Variants in SPOCK1 observed in about 807,000 individuals in gnomAD.
SPOCK1 encodes the protein SPARC (osteonectin), cwcv and kazal like domains proteoglycan 1.
In SPOCK1, 23 loss-of-function variants were observed where a neutral mutation model predicts 55.3. The observed-to-expected ratio is 0.42, with a 90% CI of 0.30 to 0.59. The LOEUF (loss-of-function observed/expected upper bound fraction) is 0.59. SPOCK1 is among the 20% of genes least tolerant of loss of function. The pLI is 0.22. For synonymous variants in SPOCK1, 226 were observed against 221.0 expected (o/e 1.02, Z -0.20); for missense variants, 499 against 552.5 (o/e 0.90, Z 0.97).
At chr5:137,189,849 G>C (rs1225121819) in intron 3 of SPOCK1, among the ~76,000 whole-genome samples, 1 of 151,970 alleles carries the variant, frequency 6.6e-6, no homozygotes, top group African/African-American at 2.4e-5. Context: ...TGATTTACGG[G>C]AGGAAGTAAA....
chr5:137,193,453 A>G (rs753110079), intron 3 of SPOCK1, among the ~76,000 whole-genome samples: 1 of 152,202 alleles, frequency 6.6e-6, no homozygotes, highest in African/African-American at 2.4e-5. Context: ...GGCAGAAAGC[A>G]GTGGAGAAGA....
At chr5:137,401,923 G>A (rs558273095) in intron 2 of SPOCK1, among the ~76,000 whole-genome samples, 16 of 152,264 alleles carry the variant, frequency 1.1e-4, no homozygotes, top group South Asian at 4.1e-4. Context: ...TTAGGGGAAA[G>A]CTAAAGGTGT....
chr5:137,056,639 G>C (rs1009896683), intron 6 of SPOCK1, among the ~76,000 whole-genome samples: 2 of 151,672 alleles, frequency 1.3e-5, no homozygotes, highest in Admixed American at 6.6e-5. Context: ...ATTTTCCGGA[G>C]TATTTCTTGG....
At chr5:137,156,604 A>T (rs1003499143) in intron 3 of SPOCK1, among the ~76,000 whole-genome samples, 37 of 152,144 alleles carry the variant, frequency 2.4e-4, no homozygotes, top group African/African-American at 8.5e-4. Context: ...GTGAATATAC[A>T]TGTTGAAAAG....
intron 2 of SPOCK1, among the ~76,000 whole-genome samples, chr5:137,392,395 A>T (rs1751742901): frequency 6.6e-6 from 1 of 152,164 alleles, no homozygotes; most frequent in Non-Finnish European, 1.5e-5. Context: ...GACTCCTATG[A>T]CTGGAATGTT....
At chr5:137,324,962 G>GAAAAAA (rs5871633) in intron 2 of SPOCK1, among the ~76,000 whole-genome samples, 1 of 140,284 alleles carries the variant, frequency 7.1e-6, no homozygotes, top group Non-Finnish European at 1.6e-5. Context: ...GCTCAATCCT[G>GAAAAAA]AAAAAAAAAA....
chr5:136,975,473 A>G lies in SPOCK1; in HGVS notation c.*3181T>C, dbSNP rs1275526618. ...CACTATTTCATCTACAATAGGGACAACAAACTGACACTCAGGATTTGATGG... is the reference window on the plus strand; with the variant it reads ...CACTATTTCATCTACAATAGGGACAGCAAACTGACACTCAGGATTTGATGG... On this transcript the variant is annotated 3_prime_UTR_variant, in exon 11 of 11. Coordinates refer to ENST00000394945, the MANE Select transcript of SPOCK1 (RefSeq NM_004598.4). The G allele has an allele frequency of 1.3e-5, 2 of 152,646 alleles. No homozygotes were observed. Among genetic ancestry groups the G allele is most frequent in the African/African-American group, 4.8e-5 (2 of 41,450 alleles). The allele number at this position is 152,646 out of a possible 1,614,324, so 9.5% of individuals were successfully genotyped here.
At chr5:137,174,930 G>C (rs902575775) in intron 3 of SPOCK1, among the ~76,000 whole-genome samples, 14 of 152,146 alleles carry the variant, frequency 9.2e-5, no homozygotes, top group Admixed American at 2.6e-4. Flanking sequence ...AACCTTGCTA[G>C]AGGCCAAGGC....
rs1561551604 is a variant in SPOCK1, at chr5:137,498,462, G to C, written c.97C>G (p.Pro33Ala). The change falls in exon 2 of 11, where the codon CCC (proline) becomes GCC (alanine). Residue 33 changes from proline to alanine, a missense_variant. Coordinates refer to ENST00000394945, the MANE Select transcript of SPOCK1 (RefSeq NM_004598.4). The stretch of plus-strand genomic sequence containing the variant: ...TTGTCTAGGAAATTGCCGTGGTTGG[G>C]GCCCGCGCCTCCGGCGAGCGCGTCC... ...HLDALAGGAGPNHGNFLDNDQ... is the reference protein window; with the variant it reads ...HLDALAGGAGANHGNFLDNDQ... The C allele has an allele frequency of 1.9e-6, 3 of 1,609,344 alleles. No individual in the cohort carries two copies. In the East Asian group the frequency reaches 6.7e-5, roughly 36 times the overall value.
chr5:137,462,486 A>C (rs989092910), intron 2 of SPOCK1, among the ~76,000 whole-genome samples: 1 of 152,208 alleles, frequency 6.6e-6, no homozygotes, highest in Middle Eastern at 3.2e-3. Flanking sequence ...GCACTGGCTA[A>C]GGGGCAGGTT....
intron 2 of SPOCK1, among the ~76,000 whole-genome samples, chr5:137,442,599 C>G (rs1219646882): frequency 1.3e-5 from 2 of 152,220 alleles, no homozygotes; most frequent in African/African-American, 2.4e-5. Flanking sequence ...TGTGCCCACA[C>G]TCACACTAAC....
intron 4 of SPOCK1, among the ~76,000 whole-genome samples, chr5:137,130,216 A>G (rs1753848398): frequency 6.6e-6 from 1 of 151,832 alleles, no homozygotes; most frequent in Non-Finnish European, 1.5e-5. Context: ...TTCTTAAACC[A>G]CTCCACTCTT....
chr5:137,285,477 T>G (rs2127127632), intron 2 of SPOCK1, among the ~76,000 whole-genome samples: 1 of 152,260 alleles, frequency 6.6e-6, no homozygotes, highest in South Asian at 2.1e-4. Context: ...CCAAACCATT[T>G]TGGGTTAGAT....
At chr5:137,466,654 T>C (rs749828726) in intron 2 of SPOCK1, among the ~76,000 whole-genome samples, 2 of 152,194 alleles carry the variant, frequency 1.3e-5, no homozygotes, top group African/African-American at 2.4e-5. Context: ...GGAACTTACA[T>C]GGAGTTAATG....
intron 3 of SPOCK1, among the ~76,000 whole-genome samples, chr5:137,226,511 C>A (rs188416289): frequency 3.7e-4 from 56 of 152,328 alleles, no homozygotes; most frequent in Non-Finnish European, 5.3e-4. Context: ...GCCACCTCAT[C>A]CTCCACTGTG....
chr5:137,298,266 G>T (rs1184160352), intron 2 of SPOCK1, among the ~76,000 whole-genome samples: 1 of 152,172 alleles, frequency 6.6e-6, no homozygotes, highest in East Asian at 1.9e-4. Context: ...CCAGAATGGG[G>T]TCTCCTGAGA....
intron 3 of SPOCK1, among the ~76,000 whole-genome samples, chr5:137,185,397 A>C (rs76486560): frequency 0.016 from 2,429 of 152,338 alleles, 61 homozygotes; most frequent in African/African-American, 0.055. Flanking sequence ...GCTGAGCTGC[A>C]GGTCATGAGC....
intron 6 of SPOCK1, among the ~76,000 whole-genome samples, chr5:137,026,163 C>CT (rs1751670651): frequency 6.6e-6 from 1 of 152,210 alleles, no homozygotes; most frequent in Non-Finnish European, 1.5e-5. Context: ...AAAACATTGG[C>CT]TCAGTGTGGT....
chr5:137,002,185 T>C (rs1751166469), intron 6 of SPOCK1, among the ~76,000 whole-genome samples: 1 of 152,152 alleles, frequency 6.6e-6, no homozygotes, highest in Non-Finnish European at 1.5e-5. Context: ...TGAGTTATAC[T>C]AATTAATGGT....
Sources: gnomAD v4.1 joint callset for allele counts (sites outside exome capture counted in the v4.1 genomes callset) on GRCh38, gnomAD v4.1.1 for gene constraint, MANE v1.5 for transcripts, NCBI Gene and HGNC (gene_info 2026-07-23, HGNC 2026-07-21) for gene names.